Variants in OAF observed in about 807,000 individuals in gnomAD.
The protein encoded by OAF is out at first homolog, also known as out at first protein homolog.
In OAF, 13 loss-of-function variants were observed where a neutral mutation model predicts 22.5. The ratio of observed to expected loss-of-function variants is 0.58; its 90% confidence interval spans 0.38 to 0.92. The LOEUF is 0.92. Ranked by LOEUF, OAF falls within the 40% of genes least tolerant of loss-of-function variation. OAF has a pLI of 0.00. For synonymous variants in OAF, 175 were observed against 170.5 expected (o/e 1.03, Z -0.21); for missense variants, 347 against 381.8 (o/e 0.91, Z 0.76).
At position 120,230,196 on chromosome 11, in the gene OAF, G is replaced by A. The variant is rs1250926332; in HGVS notation, c.*1054G>A. 1.3e-5 allele frequency: 2 copies of A among 152,198 alleles called. No homozygotes were observed. The highest frequency in any genetic ancestry group is 6.5e-5 in the Admixed American group (1 of 15,278). The allele number at this position is 152,198 out of a possible 1,614,324, so 9.4% of individuals were successfully genotyped here. On this transcript the variant is annotated 3_prime_UTR_variant, in exon 4 of 4. Transcript: ENST00000328965. Reference sequence around the variant, plus strand: ...TAAGCCAGTCAGAAATAGCCAGCGCGAAGGCAAGAGATGGGGTGGAGATTG... The same window carrying A: ...TAAGCCAGTCAGAAATAGCCAGCGCAAAGGCAAGAGATGGGGTGGAGATTG...
At chr11:120,223,975 C>T (rs1001797049) in intron 1 of OAF, among the ~76,000 whole-genome samples, 1 of 152,202 alleles carries the variant, frequency 6.6e-6, no homozygotes, top group South Asian at 2.1e-4. Context: ...TCTCCTCAGC[C>T]GACCTGAGTG....
intron 1 of OAF, among the ~76,000 whole-genome samples, chr11:120,213,478 C>T (rs1467314527): frequency 6.6e-6 from 1 of 152,200 alleles, no homozygotes; most frequent in East Asian, 1.9e-4. Context: ...TCTCCAATTT[C>T]ATCAGCAAGG....
chr11:120,214,686 C>T (rs960715883), intron 1 of OAF, among the ~76,000 whole-genome samples: 7 of 152,312 alleles, frequency 4.6e-5, no homozygotes, highest in African/African-American at 1.7e-4. Flanking sequence ...TGCCTCTACC[C>T]GCGTCAGAGT....
At chr11:120,227,186 A>G (rs1320401370) in intron 3 of OAF, among the ~76,000 whole-genome samples, 190 bp downstream of exon 3, 1 of 152,226 alleles carries the variant, frequency 6.6e-6, no homozygotes, top group Non-Finnish European at 1.5e-5. Flanking sequence ...CGCAGGAATC[A>G]GAGATGTAGA....
intron 1 of OAF, among the ~76,000 whole-genome samples, chr11:120,214,229 C>A (rs764938054): frequency 1.1e-4 from 16 of 152,230 alleles, no homozygotes; most frequent in Admixed American, 4.6e-4. Context: ...GCTACTTGAT[C>A]TCTCCAGACC....
At chr11:120,212,045 C>T (rs954702558) in intron 1 of OAF, among the ~76,000 whole-genome samples, 21 of 152,278 alleles carry the variant, frequency 1.4e-4, no homozygotes, top group African/African-American at 4.8e-4. Flanking sequence ...TGCCCCTGGT[C>T]CCTCTCAAGC....
intron 1 of OAF, among the ~76,000 whole-genome samples, chr11:120,212,716 T>G (rs1938167246): frequency 1.5e-5 from 2 of 136,834 alleles, no homozygotes; most frequent in Admixed American, 7.6e-5. Flanking sequence ...TTAGCAGGGG[T>G]GAGGGGTTAG....
In OAF at chr11:120,229,234, C is replaced by G; in HGVS notation, c.*92C>G. The G allele has an allele frequency of 8.7e-7, 1 of 1,151,182 alleles. No homozygotes were observed. The highest frequency in any genetic ancestry group is 1.4e-5 in the South Asian group (1 of 70,304). 71.3% of individuals were successfully genotyped at this position (1,151,182 alleles called of 1,614,324 possible). A position where few individuals can be genotyped will look rare whatever the true frequency, so the allele number is the denominator to read the frequency against. ...GCAACCCCCACCTGAGGCCTTATTT[C>G]CCTCCCTCCCCACTCCCCTGGCCCT... On this transcript the variant is annotated 3_prime_UTR_variant, in exon 4 of 4. Transcript: ENST00000328965.
intron 1 of OAF, among the ~76,000 whole-genome samples, chr11:120,212,862 G>A (rs1938169817): frequency 6.9e-6 from 1 of 145,452 alleles, no homozygotes. Flanking sequence ...CAAATGGGAA[G>A]ACTTTGTAGC....
Position 120,226,820 on chromosome 11 carries a change from A to G in OAF, c.371A>G (p.Asn124Ser), listed in dbSNP as rs1173971800. The change falls in exon 3 of 4, where the codon AAT becomes AGT. Residue 124 changes from asparagine (N) to serine (S), a missense_variant. By Grantham distance (46) the Asn-to-Ser change is conservative (BLOSUM62 1). Transcript: ENST00000328965. ...SEAMAKLRQK[N>S]PRAVRQAEEV... ...TGACTTCTCTCCCACACACAGAAAA[A>G]TCCCCGGGCAGTGCGGCAGGCGGAG... is the stretch of plus-strand genomic sequence containing the variant. 4 of 1,589,610 alleles carry G rather than the reference A, an allele frequency of 2.5e-6. No homozygotes were observed. Among genetic ancestry groups the G allele is most frequent in the Non-Finnish European group, 3.4e-6 (4 of 1,162,066 alleles).
intron 1 of OAF, among the ~76,000 whole-genome samples, chr11:120,220,982 C>T (rs1165914619): frequency 1.3e-5 from 2 of 152,158 alleles, no homozygotes; most frequent in African/African-American, 4.8e-5. Flanking sequence ...GTAAATGCCT[C>T]ATTGCTGGAA....
At chr11:120,219,697 C>T (rs996996676) in intron 1 of OAF, among the ~76,000 whole-genome samples, 16 of 152,164 alleles carry the variant, frequency 1.1e-4, no homozygotes, top group African/African-American at 3.6e-4. Context: ...CGGAGGGGAG[C>T]CAGGACAAGC....
At chr11:120,218,814 G>A (rs952658628) in intron 1 of OAF, among the ~76,000 whole-genome samples, 1 of 152,168 alleles carries the variant, frequency 6.6e-6, no homozygotes, top group African/African-American at 2.4e-5. Context: ...CTGCAGGCGG[G>A]CCTCCCCCCA....
In OAF at chr11:120,229,174, G is replaced by A; in HGVS notation, c.*32G>A. On this transcript the variant is annotated 3_prime_UTR_variant, in exon 4 of 4. Coordinates refer to ENST00000328965, the MANE Select transcript of OAF (RefSeq NM_178507.4). Reference sequence around the variant, plus strand: ...AGCAACCTGGCGGGTGGCTGCTCTGGGCCCACTGCTCTTCACCAGCCACTA... The same window carrying A: ...AGCAACCTGGCGGGTGGCTGCTCTGAGCCCACTGCTCTTCACCAGCCACTA... 1.3e-6 allele frequency: 2 copies of A among 1,593,000 alleles called. No individual in the cohort carries two copies. The highest frequency in any genetic ancestry group is 1.7e-6 in the Non-Finnish European group (2 of 1,167,102).
At chr11:120,225,925 CTCTGAT>C in intron 2 of OAF, 130 bp downstream of exon 2, 1 of 746,384 alleles carries the variant, frequency 1.3e-6, no homozygotes, top group Non-Finnish European at 2.1e-6. Flanking sequence ...TAGCTCTAAG[CTCTGAT>C]TCCCCAACCT....
intron 1 of OAF, among the ~76,000 whole-genome samples, chr11:120,222,850 T>C (rs929416354): frequency 3.9e-5 from 6 of 152,138 alleles, no homozygotes; most frequent in Non-Finnish European, 4.4e-5. Flanking sequence ...AGGTGGAGGT[T>C]GCAGTGAGCC....
chr11:120,212,655 G>C (rs1440894830), intron 1 of OAF, among the ~76,000 whole-genome samples: 1 of 151,240 alleles, frequency 6.6e-6, no homozygotes, highest in East Asian at 2.0e-4. Flanking sequence ...CTTTAGAGGA[G>C]AGGTGGCGGA....
At chr11:120,220,663 G>A (rs1397130366) in intron 1 of OAF, among the ~76,000 whole-genome samples, 1 of 152,168 alleles carries the variant, frequency 6.6e-6, no homozygotes, top group Non-Finnish European at 1.5e-5. Flanking sequence ...GGTCGTTTGT[G>A]AGCTGTGCCC....
chr11:120,225,442 T>C (rs1184077242), intron 1 of OAF, among the ~76,000 whole-genome samples: 1 of 152,138 alleles, frequency 6.6e-6, no homozygotes, highest in Non-Finnish European at 1.5e-5. Context: ...TGGTTCACTT[T>C]GTCAGTTTTC....
Sources: allele counts gnomAD v4.1 joint callset (sites outside exome capture counted in the v4.1 genomes callset), GRCh38; gene constraint gnomAD v4.1.1; transcripts MANE v1.5; gene names NCBI Gene and HGNC (gene_info 2026-07-23, HGNC 2026-07-21).